The following MSANTD2 variants were observed in gnomAD, a reference collection of about 807,000 sequenced individuals.
MSANTD2 encodes myb/SANT-like DNA-binding domain-containing protein 2.
A neutral mutation model predicts 52.6 loss-of-function variants in MSANTD2; 19 were observed. The observed-to-expected ratio is 0.36, with a 90% CI of 0.25 to 0.53. The LOEUF (loss-of-function observed/expected upper bound fraction) is 0.53. MSANTD2 is among the 20% of genes least tolerant of loss of function. The pLI, the probability that MSANTD2 is intolerant of heterozygous loss-of-function variation, is 0.91. For missense variants in MSANTD2, 558 were observed against 716.3 expected (o/e 0.78, Z 2.52); for synonymous variants, 291 against 289.7 (o/e 1.00, Z -0.04).
intron 1 of MSANTD2, chr11:124,784,719 C>T (rs1591464300): frequency 2.1e-6 from 2 of 950,800 alleles, no homozygotes; most frequent in African/African-American, 3.5e-5. Flanking sequence ...GCAAAGATAA[C>T]CTATAATAGA....
chr11:124,791,451 C>T (rs1945330038), intron 1 of MSANTD2: 3 of 1,213,972 alleles, frequency 2.5e-6, no homozygotes, highest in African/African-American at 1.5e-5. Flanking sequence ...CGGACCCCTC[C>T]CCACCTGCAC....
chr11:124,782,309 G>C (rs929604690), intron 1 of MSANTD2, among the ~76,000 whole-genome samples: 1 of 151,556 alleles, frequency 6.6e-6, no homozygotes, highest in Admixed American at 6.6e-5. Flanking sequence ...AAATTAGTCT[G>C]GGTGTGGTGG....
chr11:124,798,843 C>G (rs1427345654), intron 1 of MSANTD2, among the ~76,000 whole-genome samples: 4 of 152,070 alleles, frequency 2.6e-5, no homozygotes, highest in Admixed American at 2.6e-4. Context: ...AAGAAGTGCA[C>G]AGATAATAGG....
chr11:124,790,529 A>AATTTATTCTTGTGTC (rs1355071896), intron 1 of MSANTD2: 2 of 152,190 alleles, frequency 1.3e-5, no homozygotes, highest in Non-Finnish European at 2.9e-5. Context: ...ATGTATATGA[A>AATTTATTCTTGTGTC]ATTTATTCTT....
Position 124,800,223 on chromosome 11 carries a change from C to T in MSANTD2, c.158G>A (p.Gly53Asp). ...CGCTGCCCCCGAGCCCGCCGCACTGCCCGGCCCGAGCGGGGAGGCACCCCG... is the reference window on the plus strand; with the variant it reads ...CGCTGCCCCCGAGCCCGCCGCACTGTCCGGCCCGAGCGGGGAGGCACCCCG... ...TPRGASPLGP[G>D]SAAGSGAAAS... The change falls in exon 1 of 4, where the codon GGC (glycine) becomes GAC (aspartate). Residue 53 changes from glycine to aspartate, a missense_variant. By Grantham distance (94) the Gly-to-Asp change is moderately conservative. Coordinates refer to ENST00000374979, the MANE Select transcript of MSANTD2 (RefSeq NM_001308027.2). The surrounding 1 kb of genome is among the most constrained non-coding windows in gnomAD (Gnocchi z 4.3). 1 of 1,512,750 alleles carries T rather than the reference C, an allele frequency of 6.6e-7. No individual in the cohort carries two copies. The highest frequency in any genetic ancestry group is 8.8e-7 in the Non-Finnish European group (1 of 1,133,470). The allele number at this position is 1,512,750 out of a possible 1,614,324, so 93.7% of individuals were successfully genotyped here.
intron 3 of MSANTD2, among the ~76,000 whole-genome samples, chr11:124,770,030 A>G (rs951910770): frequency 2.0e-5 from 3 of 152,222 alleles, no homozygotes; most frequent in Non-Finnish European, 4.4e-5. Flanking sequence ...CTGGAGCACA[A>G]TGAAAACTAG....
chr11:124,783,185 A>G (rs897353716), intron 1 of MSANTD2, among the ~76,000 whole-genome samples: 1 of 152,208 alleles, frequency 6.6e-6, no homozygotes, highest in Non-Finnish European at 1.5e-5. Context: ...CTGGAGCCTC[A>G]GTCTTTGTGG....
At chr11:124,784,157 GA>G (rs879721999) in intron 1 of MSANTD2, 30,116 of 513,946 alleles carry the variant, frequency 0.059, no homozygotes, top group Non-Finnish European at 0.068. Flanking sequence ...ACCTGAAAGG[GA>G]AAAAAAAAAA....
chr11:124,796,841 G>C (rs1443660575), intron 1 of MSANTD2, among the ~76,000 whole-genome samples: 2 of 152,222 alleles, frequency 1.3e-5, no homozygotes, highest in African/African-American at 4.8e-5. Context: ...AACACAAAGT[G>C]AAAGAGATTT....
chr11:124,800,275 G>T lies in MSANTD2; in HGVS notation c.106C>A (p.Pro36Thr), dbSNP rs1156361932. The change falls in exon 1 of 4, where the codon CCA (proline) becomes ACA (threonine). Residue 36 changes from proline (P) to threonine (T), a missense_variant. Pro to Thr is a conservative substitution (Grantham distance 38). Around this residue, in one of 2 missense-constraint regions of MSANTD2, gnomAD observed 150 missense variants for 142.7 expected, o/e 1.05. Coordinates refer to ENST00000374979, the MANE Select transcript of MSANTD2 (RefSeq NM_001308027.2). This position sits in a 1 kb window ranked among gnomAD's most constrained non-coding sequence, Gnocchi z 4.3. ...GGCGTGGAAGGGTCGGACAGCGATG[G>T]ATTTCCGTCGCTCAGGCCACCAGGA... ...ASPGGLSDGN[P>T]SLSDPSTPRG... 6.4e-7 allele frequency: 1 copy of T among 1,569,240 alleles called. No individual in the cohort carries two copies.
At chr11:124,777,339 T>C (rs1242182598) in intron 1 of MSANTD2, among the ~76,000 whole-genome samples, 10 of 152,242 alleles carry the variant, frequency 6.6e-5, no homozygotes, top group Non-Finnish European at 5.9e-5. Context: ...CAGTTGGCTC[T>C]GTTGCTGACG....
At chr11:124,773,827 T>C (rs1052953796) in intron 2 of MSANTD2, among the ~76,000 whole-genome samples, 3 of 152,228 alleles carry the variant, frequency 2.0e-5, no homozygotes, top group Non-Finnish European at 4.4e-5. Context: ...ATCCTACTTA[T>C]ACTTCCTTGG....
At chr11:124,798,449 T>C (rs1647489622) in intron 1 of MSANTD2, among the ~76,000 whole-genome samples, 1 of 152,124 alleles carries the variant, frequency 6.6e-6, no homozygotes, top group African/African-American at 2.4e-5. Context: ...AGTAGCTTTG[T>C]CCTATTAGCT....
chr11:124,800,344 A>G lies in MSANTD2; in HGVS notation c.37T>C (p.Ser13Pro), dbSNP rs1383067924. The G allele has an allele frequency of 6.4e-7, 1 of 1,553,350 alleles. No individual in the cohort carries two copies. The highest frequency in any genetic ancestry group is 1.4e-5 in the African/African-American group (1 of 70,428). The change falls in exon 1 of 4, where the codon TCG (serine) becomes CCG (proline). Residue 13 changes from serine to proline, a missense_variant. Around this residue, in one of 2 missense-constraint regions of MSANTD2, gnomAD observed 150 missense variants for 142.7 expected, o/e 1.05. Transcript: ENST00000374979. The surrounding 1 kb of genome is among the most constrained non-coding windows in gnomAD (Gnocchi z 4.3). Reference sequence around the variant, plus strand: ...TCCATCTTCGGAATTTTTAGCGGCGAGTTGGCGGGCAGCTCCGAGCCACAG... The same window carrying G: ...TCCATCTTCGGAATTTTTAGCGGCGGGTTGGCGGGCAGCTCCGAGCCACAG... The part of the protein sequence containing the change: ...APCGSELPAN[S>P]PLKIPKMEVL...
chr11:124,796,440 T>C (rs1945496785), intron 1 of MSANTD2, among the ~76,000 whole-genome samples: 1 of 151,430 alleles, frequency 6.6e-6, no homozygotes, highest in Admixed American at 6.6e-5. Flanking sequence ...AGTTGAATTC[T>C]TTTTTTTTAA....
chr11:124,767,859 C>T lies in MSANTD2; in HGVS notation c.997G>A (p.Ala333Thr). The T allele has an allele frequency of 1.2e-6, 2 of 1,614,268 alleles. No individual in the cohort carries two copies. Among genetic ancestry groups the T allele is most frequent in the Non-Finnish European group, 1.7e-6 (2 of 1,180,044 alleles). Residue 333 changes from alanine (A) to threonine (T), a missense_variant, in exon 4 of 4, where the codon GCT becomes ACT. Physicochemically the swap from Ala to Thr is moderately conservative, Grantham distance 58. Around this residue, in one of 2 missense-constraint regions of MSANTD2, gnomAD observed 408 missense variants for 573.6 expected, o/e 0.71. Coordinates refer to ENST00000374979, the MANE Select transcript of MSANTD2 (RefSeq NM_001308027.2). The surrounding 1 kb of genome is among the most constrained non-coding windows in gnomAD (Gnocchi z 6.5). Reference sequence around the variant, plus strand: ...AGGGGCACCTGGGAGCTGATCTCAGCATAATGGTAACGGATATCCTCTTTC... The same window carrying T: ...AGGGGCACCTGGGAGCTGATCTCAGTATAATGGTAACGGATATCCTCTTTC... ...RWKEDIRYHY[A>T]EISSQVPLGK...
At chr11:124,796,727 G>A (rs982222611) in intron 1 of MSANTD2, among the ~76,000 whole-genome samples, 5 of 152,166 alleles carry the variant, frequency 3.3e-5, no homozygotes, top group African/African-American at 7.2e-5. Context: ...TTTAGTCTGC[G>A]TAAGAAGTTC....
chr11:124,792,612 A>G (rs1945367498), intron 1 of MSANTD2: 1 of 152,188 alleles, frequency 6.6e-6, no homozygotes, highest in African/African-American at 2.4e-5. Flanking sequence ...CATAAGCATA[A>G]CATTAACATG....
intron 3 of MSANTD2, among the ~76,000 whole-genome samples, chr11:124,772,728 G>A (rs1036006230): frequency 8.0e-6 from 1 of 124,446 alleles, no homozygotes; most frequent in Non-Finnish European, 1.6e-5. Flanking sequence ...CAGAGCGAGA[G>A]CGAGATTCCG....
Sources: allele counts gnomAD v4.1 joint callset (sites outside exome capture counted in the v4.1 genomes callset), GRCh38; gene constraint gnomAD v4.1.1; regional missense constraint gnomAD v4.1.1; non-coding constraint Gnocchi (gnomAD v3.1); transcripts MANE v1.5; gene names NCBI Gene and HGNC (gene_info 2026-07-23, HGNC 2026-07-21).